The following CERT1 variants were observed in gnomAD, a reference collection of about 807,000 sequenced individuals.
CERT1 encodes the protein ceramide transfer protein.
CERT1 carries 31 observed loss-of-function variants against 87.9 expected under a neutral mutation model. The observed-to-expected ratio is 0.35, with a 90% CI of 0.27 to 0.48. The LOEUF is 0.48. Among genes scored for constraint, CERT1 ranks in the 20% least tolerant of loss-of-function variants. CERT1 has a pLI of 0.99. For missense variants in CERT1, 487 were observed against 758.0 expected (o/e 0.64, Z 4.20); for synonymous variants, 289 against 250.9 (o/e 1.15, Z -1.44).
chr5:75,423,998 T>C lies in CERT1; in HGVS notation c.595+1363A>G, dbSNP rs150422096. ...AACCATGTCAAGCCACCTAGTTATA[T>C]TGGGGATGAACTTAGTCCTGTTTGG... is the stretch of plus-strand genomic sequence containing the variant. On this transcript the variant is annotated intron_variant, in intron 5 of 16. Coordinates refer to ENST00000643780, the MANE Select transcript of CERT1 (RefSeq NM_001379029.1). Among the ~76,000 whole-genome samples, 24 of 152,266 alleles carry C rather than the reference T, an allele frequency of 1.6e-4. 1 individual carries two copies. The highest frequency in any genetic ancestry group is 1.2e-3 in the Admixed American group (18 of 15,298).
chr5:75,506,217 A>G (rs984918110), intron 1 of CERT1, 101 bp from the exon 2 acceptor site: 3 of 1,115,898 alleles, frequency 2.7e-6, no homozygotes, highest in African/African-American at 3.2e-5. Flanking sequence ...TAAAACCAAA[A>G]CGTGAAAAGT....
intron 1 of CERT1, among the ~76,000 whole-genome samples, chr5:75,506,401 G>C (rs931448762): frequency 1.3e-5 from 2 of 152,078 alleles, no homozygotes; most frequent in Non-Finnish European, 2.9e-5. Context: ...GCCAGATTTT[G>C]GTTAAAATTA....
At chr5:75,497,065 A>T (rs1767104671) in intron 2 of CERT1, among the ~76,000 whole-genome samples, 1 of 152,252 alleles carries the variant, frequency 6.6e-6, no homozygotes, top group African/African-American at 2.4e-5. Flanking sequence ...TATCAAGAAT[A>T]CACAGAAAAC....
At chr5:75,370,598 T>C (rs1761043573) in intron 17 of CERT1, 2 of 152,068 alleles carry the variant, frequency 1.3e-5, no homozygotes, top group South Asian at 4.1e-4. Context: ...TGACAAAAGA[T>C]ACACAAAATA....
chr5:75,464,824 T>A (rs965306138), intron 2 of CERT1, among the ~76,000 whole-genome samples: 1 of 152,180 alleles, frequency 6.6e-6, no homozygotes, highest in Non-Finnish European at 1.5e-5. Context: ...ACAACCCATC[T>A]GCCTTGATCT....
intron 3 of CERT1, among the ~76,000 whole-genome samples, chr5:75,436,473 A>G (rs1764101844): frequency 6.6e-6 from 1 of 152,058 alleles, no homozygotes. Context: ...GTAGTACTCT[A>G]TTTCTTATAC....
rs754287426 is a variant in CERT1, at chr5:75,384,725, GAAT to G, written c.1418-16_1418-14del. 7 of 1,503,762 alleles carry G rather than the reference GAAT, an allele frequency of 4.7e-6. No individual in the cohort carries two copies. The highest frequency in any genetic ancestry group is 4.6e-5 in the South Asian group (4 of 87,792). The allele number at this position is 1,503,762 out of a possible 1,614,324, so 93.2% of individuals were successfully genotyped here. On this transcript the variant is annotated splice_polypyrimidine_tract_variant and intron_variant, in intron 13 of 16. Coordinates refer to ENST00000643780, the MANE Select transcript of CERT1 (RefSeq NM_001379029.1). ...TTTTCTATAGTTGCTGAAATGAAGA[GAAT>G]AATAAAAAGATATATTATCTTTTCC...
intron 11 of CERT1, among the ~76,000 whole-genome samples, chr5:75,395,813 G>A (rs1762227772): frequency 6.6e-6 from 1 of 152,050 alleles, no homozygotes. Flanking sequence ...TCGTGCCACT[G>A]CACTACAGCC....
intron 2 of CERT1, among the ~76,000 whole-genome samples, chr5:75,496,069 G>T (rs977177240): frequency 2.2e-4 from 34 of 152,096 alleles, no homozygotes; most frequent in African/African-American, 7.7e-4. Context: ...GAAAATATTT[G>T]CCAAACATGT....
chr5:75,505,371 C>G (rs923644430), intron 2 of CERT1: 1 of 152,164 alleles, frequency 6.6e-6, no homozygotes, highest in Non-Finnish European at 1.5e-5. Context: ...GTGAGTTATT[C>G]TTTTAAAGGG....
chr5:75,430,088 AT>A (rs1186591760), intron 3 of CERT1, among the ~76,000 whole-genome samples: 6 of 152,326 alleles, frequency 3.9e-5, no homozygotes, highest in African/African-American at 1.2e-4. Flanking sequence ...GTAACAGTTC[AT>A]GAAAAAAGAA....
intron 2 of CERT1, among the ~76,000 whole-genome samples, chr5:75,478,105 G>GCT (rs1411526459): frequency 5.9e-5 from 9 of 152,126 alleles, no homozygotes; most frequent in African/African-American, 2.2e-4. Flanking sequence ...CTGAAGTCAG[G>GCT]AGTTCGAGAC....
chr5:75,388,695 G>T (rs1170659941), intron 12 of CERT1, among the ~76,000 whole-genome samples: 3 of 146,984 alleles, frequency 2.0e-5, no homozygotes. Flanking sequence ...GCACAAACGC[G>T]GCTCATTGCA....
chr5:75,410,704 A>T (rs1440945322), intron 8 of CERT1: 1 of 89,418 alleles, frequency 1.1e-5, no homozygotes, highest in Non-Finnish European at 2.1e-5. Context: ...CTTTTATGTT[A>T]AAAAAAAAAA....
chr5:75,498,208 C>A (rs747191170), intron 2 of CERT1, among the ~76,000 whole-genome samples: 2 of 152,078 alleles, frequency 1.3e-5, no homozygotes, highest in Non-Finnish European at 2.9e-5. Context: ...TGAAGCAGAG[C>A]ATAAAAGTTT....
chr5:75,379,392 G>A lies in CERT1; in HGVS notation c.1829C>T (p.Thr610Ile). 6.2e-7 allele frequency: 1 copy of A among 1,613,812 alleles called. No homozygotes were observed. Among genetic ancestry groups the A allele is most frequent in the South Asian group, 1.1e-5 (1 of 91,074 alleles). ...TGCAGTTTTTTCTTGGACGTAAGAA[G>A]TAAAACGTTTTAGAAATTTAGGATA... is the stretch of plus-strand genomic sequence containing the variant. ...REYPKFLKRF[T>I]SYVQEKTAGK... Residue 610 changes from threonine (T) to isoleucine (I), a missense_variant, in exon 17 of 17, where the codon ACT becomes ATT. By Grantham distance (89) the Thr-to-Ile change is moderately conservative. Around this residue, in one of 8 missense-constraint regions of CERT1, gnomAD observed 33 missense variants for 64.4 expected, o/e 0.51. Coordinates refer to ENST00000643780, the MANE Select transcript of CERT1 (RefSeq NM_001379029.1).
intron 1 of CERT1, among the ~76,000 whole-genome samples, chr5:75,510,517 A>C (rs1767895776): frequency 1.3e-5 from 2 of 152,172 alleles, no homozygotes; most frequent in Admixed American, 1.3e-4. Context: ...GTTACTATGA[A>C]TATTTCCTGT....
chr5:75,471,435 C>T (rs1464307315), intron 2 of CERT1, among the ~76,000 whole-genome samples: 1 of 152,026 alleles, frequency 6.6e-6, no homozygotes, highest in African/African-American at 2.4e-5. Flanking sequence ...AATCTTCAGC[C>T]CCATTATGAC....
intron 2 of CERT1, among the ~76,000 whole-genome samples, chr5:75,469,256 A>G: frequency 6.6e-6 from 1 of 152,140 alleles, no homozygotes; most frequent in East Asian, 1.9e-4. Context: ...TTGAAAATAT[A>G]TGGTCAGGAA....
Sources: gnomAD v4.1 joint callset for allele counts (sites outside exome capture counted in the v4.1 genomes callset) on GRCh38, gnomAD v4.1.1 for gene constraint, gnomAD v4.1.1 regional missense constraint, MANE v1.5 for transcripts, NCBI Gene and HGNC (gene_info 2026-07-23, HGNC 2026-07-21) for gene names.